MARCHF1: variants seen among roughly 807,000 people sequenced by gnomAD.
MARCHF1 encodes the protein membrane associated ring-CH-type finger 1.
MARCHF1 carries 40 observed loss-of-function variants against 54.2 expected under a neutral mutation model. That is an observed-to-expected ratio of 0.74 (90% CI 0.57 to 0.96). The LOEUF is 0.96. Among genes scored for constraint, MARCHF1 ranks in the 40% least tolerant of loss-of-function variants. The pLI is 0.00. For synonymous variants in MARCHF1, 236 were observed against 236.3 expected (o/e 1.00, Z 0.01); for missense variants, 586 against 656.5 (o/e 0.89, Z 1.17).
At chr4:163,714,048 A>G (rs1316119328) in intron 4 of MARCHF1, among the ~76,000 whole-genome samples, 2 of 152,232 alleles carry the variant, frequency 1.3e-5, no homozygotes, top group Non-Finnish European at 2.9e-5. Flanking sequence ...CCCACAAGCT[A>G]TGTAACCTTG....
At chr4:163,651,362 G>A (rs1406686607) in intron 5 of MARCHF1, among the ~76,000 whole-genome samples, 4 of 151,758 alleles carry the variant, frequency 2.6e-5, no homozygotes, top group Non-Finnish European at 5.9e-5. Flanking sequence ...ACCAGTCCTA[G>A]TACTTTCTGT....
chr4:164,085,164 G>C (rs2111120903), intron 2 of MARCHF1, among the ~76,000 whole-genome samples: 1 of 151,864 alleles, frequency 6.6e-6, no homozygotes, highest in Non-Finnish European at 1.5e-5. Flanking sequence ...TCAAGCAATT[G>C]AAAGGCTTTC....
chr4:164,092,554 CA>C (rs1755327412), intron 2 of MARCHF1, among the ~76,000 whole-genome samples: 1 of 152,058 alleles, frequency 6.6e-6, no homozygotes, highest in Non-Finnish European at 1.5e-5. Context: ...GTCAAGAATA[CA>C]AGGGTGTAGT....
intron 3 of MARCHF1, among the ~76,000 whole-genome samples, chr4:163,978,051 C>A (rs4691943): frequency 6.6e-6 from 1 of 151,880 alleles, no homozygotes; most frequent in Non-Finnish European, 1.5e-5. Context: ...ATGTATTTCG[C>A]TATAAATTCT....
intron 1 of MARCHF1, among the ~76,000 whole-genome samples, chr4:164,319,943 T>C (rs1254115071): frequency 1.3e-5 from 2 of 152,178 alleles, no homozygotes; most frequent in Admixed American, 6.5e-5. Flanking sequence ...CAGTTTATGG[T>C]ACATTTCTCT....
chr4:163,967,009 C>T (rs1345572941), intron 3 of MARCHF1, among the ~76,000 whole-genome samples: 1 of 152,090 alleles, frequency 6.6e-6, no homozygotes, highest in African/African-American at 2.4e-5. Context: ...AGGAGAATCA[C>T]ATTCCGGGGG....
At chr4:163,700,184 G>T (rs961784725) in intron 5 of MARCHF1, among the ~76,000 whole-genome samples, 21 of 151,996 alleles carry the variant, frequency 1.4e-4, no homozygotes, top group Admixed American at 1.4e-3. Context: ...TGAAATGAGA[G>T]AAAAAACATA....
In MARCHF1 at chr4:163,553,032, CAAAA is replaced by C. The variant is rs778572383; in HGVS notation, c.1192-7293_1192-7290del. Reference sequence around the variant, plus strand: ...TGGGCGACAGAGCGAGACTCCGTCTCAAAAAAAAAAAAAAAAAAAGAAGAATGAG... The same window carrying C: ...TGGGCGACAGAGCGAGACTCCGTCTCAAAAAAAAAAAAAAAGAAGAATGAG... On this transcript the variant is annotated intron_variant, in intron 8 of 9. Transcript: ENST00000514618. Among the ~76,000 whole-genome samples the C allele has an allele frequency of 6.2e-5, 4 of 64,428 alleles. No individual in the cohort carries two copies. The East Asian group carries it at 1.9e-3, about 31-fold the overall frequency. 42.3% of individuals were successfully genotyped at this position (64,428 alleles called of 152,430 possible).
At chr4:163,732,138 GAATT>G (rs557106506) in intron 4 of MARCHF1, among the ~76,000 whole-genome samples, 61 of 151,472 alleles carry the variant, frequency 4.0e-4, no homozygotes, top group African/African-American at 1.2e-3. Context: ...ACAGATAATA[GAATT>G]AATATATGAT....
At chr4:164,194,910 T>C (rs968538173) in intron 1 of MARCHF1, among the ~76,000 whole-genome samples, 1 of 152,050 alleles carries the variant, frequency 6.6e-6, no homozygotes, top group Non-Finnish European at 1.5e-5. Context: ...GTCATCTACG[T>C]TAGGTATTTC....
chr4:164,371,491 A>C (rs189899948), intron 1 of MARCHF1, among the ~76,000 whole-genome samples: 3 of 152,332 alleles, frequency 2.0e-5, no homozygotes, highest in African/African-American at 4.8e-5. Flanking sequence ...ATTTCAATGC[A>C]TGTAAATGAC....
chr4:164,309,298 G>C (rs780095096), intron 1 of MARCHF1, among the ~76,000 whole-genome samples: 1 of 151,936 alleles, frequency 6.6e-6, no homozygotes, highest in Non-Finnish European at 1.5e-5. Context: ...GTGTGTGTCT[G>C]TGTGTTATTG....
At chr4:164,168,243 A>T (rs1594443) in intron 1 of MARCHF1, among the ~76,000 whole-genome samples, 1 of 151,528 alleles carries the variant, frequency 6.6e-6, no homozygotes, top group Admixed American at 6.6e-5. Context: ...CACCTGTAAG[A>T]ACAGCTGTTA....
intron 1 of MARCHF1, among the ~76,000 whole-genome samples, chr4:164,113,070 A>C (rs1755867741): frequency 6.6e-6 from 1 of 151,832 alleles, no homozygotes; most frequent in Non-Finnish European, 1.5e-5. Context: ...TCCAGCTTTA[A>C]CTGTGGCTAC....
intron 3 of MARCHF1, among the ~76,000 whole-genome samples, chr4:163,935,697 GC>G (rs1751778430): frequency 1.0e-5 from 1 of 98,684 alleles, no homozygotes. Flanking sequence ...TGTTTTGCTT[GC>G]TTTCTTTTTT....
In MARCHF1 at chr4:164,368,904, C is replaced by T. The variant is rs1487910970; in HGVS notation, c.-323+14966G>A. Among the ~76,000 whole-genome samples, 6 of 152,200 alleles carry T rather than the reference C, an allele frequency of 3.9e-5. No homozygotes were observed. In the East Asian group the frequency reaches 1.2e-3, roughly 29 times the overall value. ...AGGTTGGGGTCTCTACAAGCTGGTG[C>T]TGTGAACAGTCATGGTACAAAATGT... On this transcript the variant is annotated intron_variant, in intron 1 of 9. Transcript: ENST00000514618.
chr4:164,145,184 C>T (rs1729642761), intron 1 of MARCHF1, among the ~76,000 whole-genome samples: 1 of 151,944 alleles, frequency 6.6e-6, no homozygotes, highest in South Asian at 2.1e-4. Flanking sequence ...TAATCAATAG[C>T]TTACCAACCA....
At chr4:163,947,847 A>C (rs1246791885) in intron 3 of MARCHF1, among the ~76,000 whole-genome samples, 1 of 152,168 alleles carries the variant, frequency 6.6e-6, no homozygotes, top group Non-Finnish European at 1.5e-5. Context: ...AATTTACCAT[A>C]GTTTTCCATT....
At chr4:164,247,423 C>G (rs963195599) in intron 1 of MARCHF1, among the ~76,000 whole-genome samples, 5 of 151,088 alleles carry the variant, frequency 3.3e-5, no homozygotes, top group African/African-American at 1.2e-4. Flanking sequence ...CACATGGACA[C>G]AGGAAGGGGA....
Sources: allele counts gnomAD v4.1 joint callset (sites outside exome capture counted in the v4.1 genomes callset), GRCh38; gene constraint gnomAD v4.1.1; transcripts MANE v1.5; gene names NCBI Gene and HGNC (gene_info 2026-07-23, HGNC 2026-07-21).